Variants in PCDHA5 observed in about 807,000 individuals in gnomAD.
PCDHA5 encodes the protein protocadherin alpha 5, also known as protocadherin alpha-5.
A neutral mutation model predicts 61.6 loss-of-function variants in PCDHA5; 43 were observed. That is an observed-to-expected ratio of 0.70 (90% CI 0.55 to 0.90). PCDHA5 has a LOEUF of 0.90. Ranked by LOEUF, PCDHA5 falls within the 40% of genes least tolerant of loss-of-function variation. PCDHA5 has a pLI of 0.00. For missense variants in PCDHA5, 1,298 were observed against 1,222.7 expected (o/e 1.06, Z -0.92); for synonymous variants, 627 against 543.9 (o/e 1.15, Z -2.13).
In PCDHA5 at chr5:140,879,837, T is replaced by C. The variant is rs150709679; in HGVS notation, c.2352+55710T>C. ...GTTGGTGTTCCCTGGCTTGTGGCTGTACCACTCCCATCTCAGCCTTCTCAG... is the reference window on the plus strand; with the variant it reads ...GTTGGTGTTCCCTGGCTTGTGGCTGCACCACTCCCATCTCAGCCTTCTCAG... On this transcript the variant is annotated intron_variant, in intron 1 of 3. Coordinates refer to ENST00000529859, the MANE Select transcript of PCDHA5 (RefSeq NM_018908.3). Among the ~76,000 whole-genome samples, 861 of 152,350 alleles carry C rather than the reference T, an allele frequency of 5.7e-3. 5 individuals are homozygous for C. The highest frequency in any genetic ancestry group is 0.014 in the Middle Eastern group (4 of 294).
intron 1 of PCDHA5, chr5:140,835,685 T>G (rs2150241896): frequency 8.7e-6 from 14 of 1,613,884 alleles, no homozygotes; most frequent in Non-Finnish European, 1.2e-5. Flanking sequence ...GCTCGCCTTC[T>G]CTGTGGGCCA....
chr5:140,997,221 T>C (rs2097763900), intron 3 of PCDHA5, among the ~76,000 whole-genome samples: 1 of 152,152 alleles, frequency 6.6e-6, no homozygotes, highest in Admixed American at 6.5e-5. Context: ...GAAACTATCA[T>C]TACCACCCAA....
chr5:140,916,469 T>C (rs1051023499), intron 1 of PCDHA5, among the ~76,000 whole-genome samples: 2 of 152,194 alleles, frequency 1.3e-5, no homozygotes, highest in African/African-American at 4.8e-5. Flanking sequence ...TGCTGGTTAT[T>C]TGGTGCCCAA....
intron 1 of PCDHA5, among the ~76,000 whole-genome samples, chr5:140,906,958 G>A (rs1220105162): frequency 1.3e-5 from 2 of 152,124 alleles, no homozygotes; most frequent in Non-Finnish European, 2.9e-5. Flanking sequence ...CAGTTTAATG[G>A]AATCGTGGTT....
intron 1 of PCDHA5, among the ~76,000 whole-genome samples, chr5:140,918,826 C>T (rs200767772): frequency 2.0e-5 from 3 of 149,724 alleles, no homozygotes; most frequent in African/African-American, 7.4e-5. Flanking sequence ...AAGTGGCCCC[C>T]TCCCCAGACA....
rs116952410 is a variant in PCDHA5, at chr5:140,893,392, C to A, written c.2352+69265C>A. On this transcript the variant is annotated intron_variant, in intron 1 of 3. Coordinates refer to ENST00000529859, the MANE Select transcript of PCDHA5 (RefSeq NM_018908.3). ...AGCATTTATGGGACAGTGGCTCATG[C>A]CTGTAATCCCAGCACTTAGGGAGGC... 2.0e-5 allele frequency among the ~76,000 whole-genome samples: 3 copies of A among 152,230 alleles called. No individual in the cohort carries two copies. The East Asian group carries it at 5.8e-4, about 29-fold the overall frequency.
intron 1 of PCDHA5, chr5:140,849,763 T>C (rs1554143274): frequency 1.3e-6 from 2 of 1,598,470 alleles, no homozygotes; most frequent in Non-Finnish European, 1.7e-6. Context: ...GCCTACGAGC[T>C]GGTGGTTACC....
Position 141,011,328 on chromosome 5 carries a change from A to G in PCDHA5, c.*1391A>G, listed in dbSNP as rs1554263430. 2 of 153,726 alleles carry G rather than the reference A, an allele frequency of 1.3e-5. No homozygotes were observed. Among genetic ancestry groups the G allele is most frequent in the Admixed American group, 1.3e-4 (2 of 15,268 alleles). 9.5% of individuals were successfully genotyped at this position (153,726 alleles called of 1,614,324 possible). On this transcript the variant is annotated 3_prime_UTR_variant, in exon 4 of 4. Transcript: ENST00000529859. Reference sequence around the variant, plus strand: ...ATTGCTAATCTTACTAACACCTATGATGTTACCTGAAATCAATCTCCCATA... The same window carrying G: ...ATTGCTAATCTTACTAACACCTATGGTGTTACCTGAAATCAATCTCCCATA...
intron 1 of PCDHA5, among the ~76,000 whole-genome samples, chr5:140,878,435 A>G (rs1582436641): frequency 6.6e-6 from 1 of 152,242 alleles, no homozygotes; most frequent in African/African-American, 2.4e-5. Context: ...TAGATACTGT[A>G]CTATTCTTAT....
At chr5:140,876,086 C>G (rs371336139) in intron 1 of PCDHA5, 7 of 1,613,778 alleles carry the variant, frequency 4.3e-6, no homozygotes, top group Non-Finnish European at 1.7e-6. Flanking sequence ...AGAGAGCAAA[C>G]GCCAAAACTC....
At chr5:140,990,708 T>G (rs1201090744) in intron 3 of PCDHA5, among the ~76,000 whole-genome samples, 3 of 152,190 alleles carry the variant, frequency 2.0e-5, no homozygotes, top group African/African-American at 7.2e-5. Context: ...TTTATGGGGA[T>G]AAGAGCATCA....
chr5:140,853,659 A>T (rs1216918086), intron 1 of PCDHA5: 1 of 988,622 alleles, frequency 1.0e-6, no homozygotes, highest in African/African-American at 1.8e-5. Context: ...TGTTCCAGAC[A>T]AATTGGGGCC....
At chr5:140,923,714 A>G (rs1396629400) in intron 1 of PCDHA5, among the ~76,000 whole-genome samples, 7 of 152,250 alleles carry the variant, frequency 4.6e-5, no homozygotes, top group African/African-American at 1.4e-4. Context: ...TACTTGAATA[A>G]GAATGCAATG....
At chr5:140,942,860 G>T (rs1262172468) in intron 1 of PCDHA5, among the ~76,000 whole-genome samples, 15 of 151,964 alleles carry the variant, frequency 9.9e-5, no homozygotes, top group Admixed American at 9.8e-4. Context: ...TGATTATTTT[G>T]CTTTAGCATG....
intron 1 of PCDHA5, among the ~76,000 whole-genome samples, chr5:140,962,962 A>G (rs1273558602): frequency 1.3e-5 from 2 of 152,194 alleles, no homozygotes; most frequent in South Asian, 2.1e-4. Flanking sequence ...CTATCCCTAT[A>G]TAGGAAATTT....
At chr5:140,927,868 C>T (rs782143210) in intron 1 of PCDHA5, 2 of 1,614,220 alleles carry the variant, frequency 1.2e-6, no homozygotes, top group Admixed American at 1.7e-5. Flanking sequence ...CACCGCTAAA[C>T]TGCTGGTGGA....
At chr5:140,871,934 C>T (rs2053394158) in intron 1 of PCDHA5, among the ~76,000 whole-genome samples, 1 of 152,222 alleles carries the variant, frequency 6.6e-6, no homozygotes, top group Non-Finnish European at 1.5e-5. Flanking sequence ...GTTAGATCAA[C>T]TGGCTTTGTT....
intron 1 of PCDHA5, among the ~76,000 whole-genome samples, chr5:140,939,737 G>GTA (rs1554212873): frequency 6.6e-6 from 1 of 152,160 alleles, no homozygotes; most frequent in Non-Finnish European, 1.5e-5. Flanking sequence ...GTGTAGCTGT[G>GTA]TATCATTCAT....
chr5:140,967,873 C>T lies in PCDHA5; in HGVS notation c.2353-11076C>T, dbSNP rs1554230047. On this transcript the variant is annotated intron_variant, in intron 1 of 3. Transcript: ENST00000529859. ...ATGCCCCAGAGGTGGTGCTCACGGA[C>T]CTGTATAGCCCAGTGCCTGAGAATG... 1.9e-6 allele frequency: 3 copies of T among 1,614,152 alleles called. No homozygotes were observed. In the Admixed American group the frequency reaches 5.0e-5, roughly 27 times the overall value.
Sources: allele counts gnomAD v4.1 joint callset (sites outside exome capture counted in the v4.1 genomes callset), GRCh38; gene constraint gnomAD v4.1.1; transcripts MANE v1.5; gene names NCBI Gene and HGNC (gene_info 2026-07-23, HGNC 2026-07-21).